REEP1: variants seen among roughly 807,000 people sequenced by gnomAD.
REEP1 encodes the protein receptor expression-enhancing protein 1.
REEP1 carries 22 observed loss-of-function variants against 40.3 expected under a neutral mutation model. The ratio of observed to expected loss-of-function variants is 0.55; its 90% CI spans 0.39 to 0.78. REEP1 has a LOEUF of 0.78. Among genes scored for constraint, REEP1 ranks in the 30% least tolerant of loss-of-function variants. REEP1 has a pLI of 0.00. For missense variants in REEP1, 280 were observed against 361.1 expected (o/e 0.78, Z 1.82); for synonymous variants, 116 against 139.2 (o/e 0.83, Z 1.17).
chr2:86,285,123 C>T (rs936371431), intron 1 of REEP1, among the ~76,000 whole-genome samples: 6 of 152,334 alleles, frequency 3.9e-5, no homozygotes, highest in African/African-American at 1.2e-4. Flanking sequence ...TGCTTCCCAC[C>T]CCTCCCTCAG....
chr2:86,316,434 G>T (rs113318400), intron 1 of REEP1, among the ~76,000 whole-genome samples: 1 of 151,540 alleles, frequency 6.6e-6, no homozygotes, highest in Non-Finnish European at 1.5e-5. Flanking sequence ...TGTAATATCA[G>T]CTATTTGGGA....
At chr2:86,263,052 T>C (rs749904929) in intron 3 of REEP1, among the ~76,000 whole-genome samples, 1 of 152,236 alleles carries the variant, frequency 6.6e-6, no homozygotes, top group Non-Finnish European at 1.5e-5. Flanking sequence ...ATCTATGCCA[T>C]GAAATATTAT....
At chr2:86,326,839 C>T (rs1452726908) in intron 1 of REEP1, among the ~76,000 whole-genome samples, 1 of 152,246 alleles carries the variant, frequency 6.6e-6, no homozygotes, top group Non-Finnish European at 1.5e-5. Context: ...GAAACCTTTT[C>T]CTTCCAGCAA....
At chr2:86,316,414 G>A (rs1680010716) in intron 1 of REEP1, among the ~76,000 whole-genome samples, 1 of 151,730 alleles carries the variant, frequency 6.6e-6, no homozygotes, top group Non-Finnish European at 1.5e-5. Context: ...CGGGTGTGGT[G>A]GTGGGTGCCT....
intron 2 of REEP1, 147 bp from the exon 3 acceptor site, chr2:86,264,188 A>G (rs1677024352): frequency 1.4e-6 from 1 of 709,874 alleles, no homozygotes; most frequent in African/African-American, 1.8e-5. Context: ...ATCCTTCCCC[A>G]GCTTATGTCC....
chr2:86,233,211 C>G (rs952461958), intron 5 of REEP1, among the ~76,000 whole-genome samples: 1 of 152,198 alleles, frequency 6.6e-6, no homozygotes, highest in Non-Finnish European at 1.5e-5. Context: ...TTTCTCAGTA[C>G]ATGAGAATCT....
chr2:86,266,104 T>C (rs1458636124), intron 2 of REEP1, among the ~76,000 whole-genome samples: 1 of 152,206 alleles, frequency 6.6e-6, no homozygotes, highest in African/African-American at 2.4e-5. Flanking sequence ...GACTTCGATA[T>C]TAGAATTAGC....
At chr2:86,322,570 C>A (rs1444926789) in intron 1 of REEP1, among the ~76,000 whole-genome samples, 1 of 152,006 alleles carries the variant, frequency 6.6e-6, no homozygotes, top group East Asian at 1.9e-4. Flanking sequence ...CCTGGCTCAG[C>A]CTCCCAAGTA....
At chr2:86,261,776 G>C (rs1228925624) in intron 3 of REEP1, among the ~76,000 whole-genome samples, 1 of 152,206 alleles carries the variant, frequency 6.6e-6, no homozygotes, top group Non-Finnish European at 1.5e-5. Flanking sequence ...TTGCAGTTGA[G>C]ACAAGAGGAA....
intron 1 of REEP1, among the ~76,000 whole-genome samples, chr2:86,335,398 T>A (rs543476418): frequency 6.6e-6 from 1 of 152,256 alleles, no homozygotes; most frequent in Non-Finnish European, 1.5e-5. Context: ...CAATCCCAAA[T>A]CCCATCAACT....
At chr2:86,224,929 C>A (rs777999412) in intron 7 of REEP1, among the ~76,000 whole-genome samples, 21 of 152,178 alleles carry the variant, frequency 1.4e-4, no homozygotes, top group Non-Finnish European at 2.8e-4. Context: ...CAGCCACTCT[C>A]CCCGACCCCC....
intron 1 of REEP1, among the ~76,000 whole-genome samples, chr2:86,299,880 A>T (rs1177784446): frequency 1.3e-5 from 2 of 152,240 alleles, no homozygotes; most frequent in East Asian, 1.9e-4. Flanking sequence ...CAACAACAGT[A>T]GTTAAAATAC....
chr2:86,251,978 C>T lies in REEP1; in HGVS notation c.396G>A (p.Ala132=), dbSNP rs377712421. 166 of 1,613,422 alleles carry T rather than the reference C, an allele frequency of 1.0e-4. No individual in the cohort carries two copies. The highest frequency in any genetic ancestry group is 1.3e-4 in the Non-Finnish European group (154 of 1,179,640). The stretch of plus-strand genomic sequence containing the variant: ...GTACCTTGGAAGCAGCCATCACAGC[C>T]GCTGTGGCGGCCACGTTCAAGCCCC... The part of the protein sequence containing the change: ...GKRGLNVAAT[A]AVMAASKGQG... Residue 132 remains alanine (A), a synonymous_variant, in exon 5 of 9, where the codon GCG becomes GCA. Transcript: ENST00000538924.
chr2:86,245,332 C>G (rs149776574), intron 5 of REEP1, among the ~76,000 whole-genome samples: 6,573 of 152,210 alleles, frequency 0.043, 172 homozygotes, highest in Middle Eastern at 0.092. Flanking sequence ...ATGCTCAGAG[C>G]GAGACCTGCT....
chr2:86,219,961 ACTGTGTAC>A lies in REEP1; in HGVS notation c.783+1_783+8del. On this transcript the variant is annotated splice_donor_variant and splice_donor_5th_base_variant and intron_variant, in intron 8 of 8. Coordinates refer to ENST00000538924, the MANE Select transcript of REEP1 (RefSeq NM_001371279.1). LOFTEE classifies it high-confidence loss of function. ...CACACTCCAACCCACAGCCCCAGAC[ACTGTGTAC>A]CTCCAGGGGCAATTCCATCCTTCGA... The A allele has an allele frequency of 8.1e-7, 1 of 1,232,020 alleles. No homozygotes were observed. The highest frequency in any genetic ancestry group is 1.0e-6 in the Non-Finnish European group (1 of 987,922). The allele number at this position is 1,232,020 out of a possible 1,614,324, so 76.3% of individuals were successfully genotyped here. A position where few individuals can be genotyped will look rare whatever the true frequency, so the allele number is the denominator to read the frequency against.
At chr2:86,337,758 C>A, upstream of REEP1, 5 of 808,826 alleles carry the variant, frequency 6.2e-6, no homozygotes, top group Non-Finnish European at 7.7e-6. The surrounding 1 kb of genome is among the most constrained non-coding windows in gnomAD (Gnocchi z 5.8). Flanking sequence ...CTGGTCAGGG[C>A]ACCCGCGGGC....
intron 1 of REEP1, among the ~76,000 whole-genome samples, chr2:86,300,987 G>A (rs755324621): frequency 2.0e-5 from 3 of 152,190 alleles, no homozygotes; most frequent in Admixed American, 1.3e-4. Flanking sequence ...ACCAAAAGGT[G>A]AGGATCCAAT....
chr2:86,225,293 T>C (rs1027956215), intron 7 of REEP1, among the ~76,000 whole-genome samples: 10 of 152,190 alleles, frequency 6.6e-5, no homozygotes, highest in Admixed American at 6.5e-4. Flanking sequence ...TTTTTTTAGA[T>C]GGAGTTTCAC....
In REEP1 at chr2:86,297,639, G is replaced by A. The variant is rs775206798; in HGVS notation, c.33-15397C>T. On this transcript the variant is annotated intron_variant, in intron 1 of 8. Transcript: ENST00000538924. ...ACTACCTGCAAGAGAGATTCTCCCCGGGGGTTGGAGGGAGGAAGAGAACAC... is the reference window on the plus strand; with the variant it reads ...ACTACCTGCAAGAGAGATTCTCCCCAGGGGTTGGAGGGAGGAAGAGAACAC... The A allele has an allele frequency of 3.5e-5, 32 of 907,206 alleles. No individual in the cohort carries two copies. The African/African-American group carries it at 4.0e-4, about 11-fold the overall frequency. The allele number at this position is 907,206 out of a possible 1,614,324, so 56.2% of individuals were successfully genotyped here. A position where few individuals can be genotyped will look rare whatever the true frequency, so the allele number is the denominator to read the frequency against.
Sources: gnomAD v4.1 joint callset for allele counts (sites outside exome capture counted in the v4.1 genomes callset) on GRCh38, gnomAD v4.1.1 for gene constraint, Gnocchi (gnomAD v3.1) non-coding constraint, MANE v1.5 for transcripts, NCBI Gene and HGNC (gene_info 2026-07-23, HGNC 2026-07-21) for gene names.